Variants in GLYATL1 observed in about 807,000 individuals in gnomAD.
The protein encoded by GLYATL1 is glycine N-acyltransferase-like protein 1.
Under a neutral mutation model 20.0 loss-of-function variants are expected in GLYATL1, and 15 were observed. The observed-to-expected ratio is 0.75, with a 90% CI of 0.50 to 1.15. The LOEUF is 1.15. GLYATL1 is among the 50% of genes most tolerant of loss of function. GLYATL1 has a pLI of 0.00. For missense variants in GLYATL1, 380 were observed against 368.5 expected (o/e 1.03, Z -0.26); for synonymous variants, 151 against 131.5 (o/e 1.15, Z -1.01).
chr11:58,949,997 T>G (rs1856852982), intron 4 of GLYATL1, among the ~76,000 whole-genome samples: 1 of 150,920 alleles, frequency 6.6e-6, no homozygotes, highest in Non-Finnish European at 1.5e-5. Flanking sequence ...TTGTAATCAG[T>G]GTCCTTGCCC....
chr11:58,908,098 T>C (rs1166238047), exon 2 of GLYATL1: 1 of 152,376 alleles, frequency 6.6e-6, no homozygotes, highest in Non-Finnish European at 1.5e-5. Flanking sequence ...TGATCCTCTG[T>C]GCTCCTGTGG....
At chr11:58,950,588 C>T (rs1788538) in intron 4 of GLYATL1, among the ~76,000 whole-genome samples, 48,855 of 152,018 alleles carry the variant, frequency 0.32, 8,427 homozygotes, top group Non-Finnish European at 0.39. Flanking sequence ...CAACTGATTT[C>T]CAAAAGGAAT....
chr11:58,936,243 C>G (rs1855830056), upstream of GLYATL1, among the ~76,000 whole-genome samples: 1 of 152,170 alleles, frequency 6.6e-6, no homozygotes. Flanking sequence ...CAACTAAAGT[C>G]TCAAGAGGAA....
At chr11:58,947,533 A>T (rs1856661405) in intron 3 of GLYATL1, 1 of 447,554 alleles carries the variant, frequency 2.2e-6, no homozygotes, top group Admixed American at 3.8e-5. Flanking sequence ...TGAGATGGGA[A>T]TAACGTTAGC....
upstream of GLYATL1, among the ~76,000 whole-genome samples, chr11:58,935,849 G>A (rs1404372754): frequency 6.6e-6 from 1 of 152,138 alleles, no homozygotes; most frequent in East Asian, 1.9e-4. Flanking sequence ...ATAGTTTCAT[G>A]AGTATGTATG....
In GLYATL1 at chr11:58,956,219, G is replaced by C. The variant is rs1857411145; in HGVS notation, c.*192G>C. ...AGCTTACAATCCTGGCTGGAGGCAGGGGAGGGTATATTCTTTAAATATGCT... is the reference window on the plus strand; with the variant it reads ...AGCTTACAATCCTGGCTGGAGGCAGCGGAGGGTATATTCTTTAAATATGCT... On this transcript the variant is annotated 3_prime_UTR_variant, in exon 7 of 7. Coordinates refer to ENST00000532726, the MANE Select transcript of GLYATL1 (RefSeq NM_001389712.2). 1 of 600,514 alleles carries C rather than the reference G, an allele frequency of 1.7e-6. No homozygotes were observed. The highest frequency in any genetic ancestry group is 2.9e-6 in the Non-Finnish European group (1 of 343,112). 37.2% of individuals were successfully genotyped at this position (600,514 alleles called of 1,614,324 possible). A position where few individuals can be genotyped will look rare whatever the true frequency, so the allele number is the denominator to read the frequency against.
At chr11:58,939,150 A>C (rs1011056367), upstream of GLYATL1, among the ~76,000 whole-genome samples, 8 of 152,132 alleles carry the variant, frequency 5.3e-5, no homozygotes, top group African/African-American at 1.9e-4. Context: ...GTCCCTCAAA[A>C]AGTATCAAAG....
At chr11:58,929,246 C>T (rs1855514910) in intron 1 of GLYATL1, among the ~76,000 whole-genome samples, 1 of 152,208 alleles carries the variant, frequency 6.6e-6, no homozygotes, top group Non-Finnish European at 1.5e-5. Context: ...CTAAGTTTTT[C>T]ATAAGTGTTC....
intron 2 of GLYATL1, chr11:58,946,836 A>C (rs508359): frequency 0.99 from 586,851 of 595,362 alleles, 289,588 homozygotes; most frequent in East Asian, 1. Context: ...GGTTTTGGAG[A>C]CAGTCATATA....
chr11:58,938,645 G>A (rs1047171769), upstream of GLYATL1, among the ~76,000 whole-genome samples: 1 of 152,188 alleles, frequency 6.6e-6, no homozygotes, highest in South Asian at 2.1e-4. Context: ...TTGATCCACA[G>A]AGTAGATACA....
At chr11:58,907,328 G>A (rs1355575817) in exon 2 of GLYATL1, 1 of 456,134 alleles carries the variant, frequency 2.2e-6, no homozygotes, top group Non-Finnish European at 4.4e-6. Context: ...AATTGTCTTT[G>A]TCTTGCTGCC....
chr11:58,913,263 G>A (rs1353907452), downstream of GLYATL1, among the ~76,000 whole-genome samples: 7 of 152,136 alleles, frequency 4.6e-5, no homozygotes, highest in South Asian at 6.2e-4. Flanking sequence ...AAAGGGAGGG[G>A]GCCTGGAGTG....
intron 3 of GLYATL1, 157 bp downstream of exon 3, chr11:58,947,322 G>T (rs1856643005): frequency 9.5e-7 from 1 of 1,056,732 alleles, no homozygotes. Context: ...AAGAGCTGCT[G>T]CTTCTCTTTG....
chr11:58,937,973 C>T (rs867609583), upstream of GLYATL1, among the ~76,000 whole-genome samples: 12 of 152,174 alleles, frequency 7.9e-5, no homozygotes, highest in African/African-American at 2.7e-4. Flanking sequence ...CAGGGCCTCA[C>T]AGGGGTTCAA....
intron 1 of GLYATL1, among the ~76,000 whole-genome samples, chr11:58,915,155 C>T (rs1390384986): frequency 1.3e-5 from 2 of 152,184 alleles, no homozygotes; most frequent in Non-Finnish European, 2.9e-5. Flanking sequence ...TCTATTCTTA[C>T]CAACAAAGCA....
Position 58,956,328 on chromosome 11 carries a change from T to C in GLYATL1, c.*301T>C. The C allele has an allele frequency of 2.9e-6, 1 of 344,744 alleles. No individual in the cohort carries two copies. The highest frequency in any genetic ancestry group is 5.3e-6 in the Non-Finnish European group (1 of 190,122). 21.4% of individuals were successfully genotyped at this position (344,744 alleles called of 1,614,324 possible). ...AGTTCTTACCTCTGGGAATCAGAAC[T>C]CTTTATGCAACTTGGTTAATAGAAT... On this transcript the variant is annotated 3_prime_UTR_variant, in exon 7 of 7. Transcript: ENST00000532726.
chr11:58,947,149 TC>T lies in GLYATL1; in HGVS notation c.65del (p.Pro22LeufsTer4). On this transcript the variant is annotated frameshift_variant, in exon 3 of 7. Transcript: ENST00000532726. LOFTEE classifies it high-confidence loss of function. ...LALYKSLARS[I>X]PESLKVYGSV... ...CTATACAAATCCTTGGCCAGGAGCA[TC>T]CCTGAGTCCCTGAAGGTCAGGGAAC... The T allele has an allele frequency of 6.2e-7, 1 of 1,613,888 alleles. No homozygotes were observed. Among genetic ancestry groups the T allele is most frequent in the Non-Finnish European group, 8.5e-7 (1 of 1,179,846 alleles).
At chr11:58,922,965 G>A (rs139902256), upstream of GLYATL1, among the ~76,000 whole-genome samples, 10 of 152,316 alleles carry the variant, frequency 6.6e-5, no homozygotes, top group East Asian at 1.4e-3. Flanking sequence ...CTATTTCACA[G>A]AGAGTTCTTA....
intron 1 of GLYATL1, among the ~76,000 whole-genome samples, chr11:58,918,107 A>G (rs1855219911): frequency 6.6e-6 from 1 of 152,176 alleles, no homozygotes; most frequent in Admixed American, 6.5e-5. Flanking sequence ...ACTTAGTTAG[A>G]GCCATTAGTT....
Sources: gnomAD v4.1 joint callset for allele counts (sites outside exome capture counted in the v4.1 genomes callset) on GRCh38, gnomAD v4.1.1 for gene constraint, MANE v1.5 for transcripts, NCBI Gene and HGNC (gene_info 2026-07-23, HGNC 2026-07-21) for gene names.